The following PGM5 variants were observed in gnomAD, a reference collection of about 807,000 sequenced individuals.
The protein encoded by PGM5 is phosphoglucomutase-like protein 5.
A neutral mutation model predicts 59.2 loss-of-function variants in PGM5; 23 were observed. The ratio of observed to expected loss-of-function variants is 0.39; its 90% confidence interval spans 0.28 to 0.55. The LOEUF (loss-of-function observed/expected upper bound fraction) is 0.55, where lower values mean the gene tolerates loss of function less well. Ranked by LOEUF, PGM5 falls within the 20% of genes least tolerant of loss-of-function variation. The probability of loss-of-function intolerance (pLI) is 0.66; values close to 1 mark genes in which losing one functional copy is unlikely to be tolerated. For synonymous variants in PGM5, 214 were observed against 286.0 expected, an observed-to-expected ratio of 0.75 and a Z score of 2.54; for missense variants, 574 against 748.3, an observed-to-expected ratio of 0.77 and a Z score of 2.72.
At chr9:68,519,167 A>C (rs980284829) in intron 10 of PGM5, among the ~76,000 whole-genome samples, 12 of 152,246 alleles carry the variant, frequency 7.9e-5, no homozygotes, top group Admixed American at 7.2e-4. Context: ...GTATCTACAC[A>C]AAAAGAAATT....
intron 3 of PGM5, among the ~76,000 whole-genome samples, chr9:68,386,094 A>G (rs1203740169): frequency 3.3e-5 from 5 of 151,648 alleles, no homozygotes; most frequent in African/African-American, 1.2e-4. Flanking sequence ...TGTGTTACCT[A>G]TTGTAAATAC....
At chr9:68,496,124 A>C (rs1363052643) in intron 9 of PGM5, among the ~76,000 whole-genome samples, 1 of 152,264 alleles carries the variant, frequency 6.6e-6, no homozygotes, top group Non-Finnish European at 1.5e-5. Context: ...AACCTAAAAA[A>C]TAAATGCGAT....
intron 1 of PGM5, among the ~76,000 whole-genome samples, chr9:68,377,147 G>A (rs1268323880): frequency 1.3e-5 from 2 of 151,950 alleles, no homozygotes; most frequent in South Asian, 2.1e-4. Context: ...GGCTGGTCTC[G>A]AACTCTGGAC....
At chr9:68,454,260 G>T (rs184516856) in intron 6 of PGM5, among the ~76,000 whole-genome samples, 1 of 152,286 alleles carries the variant, frequency 6.6e-6, no homozygotes, top group African/African-American at 2.4e-5. Context: ...CTGGATTTCA[G>T]TAATGAATCT....
At chr9:68,415,496 G>A (rs572529756) in intron 6 of PGM5, among the ~76,000 whole-genome samples, 67 of 145,968 alleles carry the variant, frequency 4.6e-4, no homozygotes, top group Admixed American at 2.4e-3. Flanking sequence ...CTGGAACATG[G>A]ACACAGAAAT....
chr9:68,458,644 A>AGATTT lies in PGM5; in HGVS notation c.1044-6449_1044-6448insGATTT, dbSNP rs1554685133. ...ACAGGCAAGGCAGGGGTTATTTAAT[A>AGATTT]TGTGGATTTTGAAGTTTAGACCAGG... is the stretch of plus-strand genomic sequence containing the variant. On this transcript the variant is annotated intron_variant, in intron 6 of 10. Transcript: ENST00000396396. Among the ~76,000 whole-genome samples the AGATTT allele has an allele frequency of 7.9e-4, 120 of 152,294 alleles. 1 individual carries two copies. The East Asian group carries it at 0.02, about 26-fold the overall frequency.
rs186732697 is a variant in PGM5, at chr9:68,450,809, A to T, written c.1044-14284A>T. On this transcript the variant is annotated intron_variant, in intron 6 of 10. Transcript: ENST00000396396. ...CTTAGTGCTGGGTTAGTGTGCTGGG[A>T]TTGCATGTGTCTGTATCTCATATTC... Among the ~76,000 whole-genome samples the T allele has an allele frequency of 4.3e-3, 656 of 152,304 alleles. 3 individuals are homozygous for T. Among genetic ancestry groups the T allele is most frequent in the African/African-American group, 0.014 (579 of 41,558 alleles).
chr9:68,471,314 T>C (rs1304549664), intron 7 of PGM5, among the ~76,000 whole-genome samples: 2 of 152,166 alleles, frequency 1.3e-5, no homozygotes, highest in African/African-American at 2.4e-5. Context: ...CAAGGAGAAC[T>C]GTCCCTTGGG....
chr9:68,490,418 CTCA>C (rs1824371546), intron 9 of PGM5, among the ~76,000 whole-genome samples: 1 of 152,228 alleles, frequency 6.6e-6, no homozygotes. Context: ...ATGATCTTGG[CTCA>C]CTGCAACACT....
intron 6 of PGM5, among the ~76,000 whole-genome samples, chr9:68,441,319 A>T (rs1168446218): frequency 1.3e-5 from 2 of 152,154 alleles, no homozygotes; most frequent in African/African-American, 4.8e-5. Context: ...CTAGACAAAG[A>T]TAGAATTTTT....
intron 1 of PGM5, among the ~76,000 whole-genome samples, chr9:68,362,748 G>A (rs567701821): frequency 8.6e-5 from 13 of 151,840 alleles, no homozygotes; most frequent in Non-Finnish European, 1.6e-4. Context: ...GTACACCTAA[G>A]GCAATTTCTT....
intron 1 of PGM5, among the ~76,000 whole-genome samples, chr9:68,358,568 A>T (rs1219742619): frequency 6.6e-6 from 1 of 152,240 alleles, no homozygotes; most frequent in Non-Finnish European, 1.5e-5. Context: ...TGTATAAATG[A>T]GTGTTAACAT....
At chr9:68,492,038 G>C (rs1824399566) in intron 9 of PGM5, among the ~76,000 whole-genome samples, 1 of 152,176 alleles carries the variant, frequency 6.6e-6, no homozygotes, top group African/African-American at 2.4e-5. Flanking sequence ...AAGCGTGTAA[G>C]CATTATCGAA....
chr9:68,430,477 A>G (rs1160530447), intron 6 of PGM5, among the ~76,000 whole-genome samples: 1 of 152,256 alleles, frequency 6.6e-6, no homozygotes, highest in East Asian at 1.9e-4. Flanking sequence ...AATAATTTCA[A>G]GTAAAATTAG....
intron 6 of PGM5, among the ~76,000 whole-genome samples, chr9:68,454,177 C>T (rs1240536573): frequency 6.6e-6 from 1 of 152,138 alleles, no homozygotes; most frequent in Non-Finnish European, 1.5e-5. Context: ...TATAGGATTT[C>T]CATAGGCTGG....
At chr9:68,426,437 C>T (rs1349507848) in intron 6 of PGM5, among the ~76,000 whole-genome samples, 2 of 152,112 alleles carry the variant, frequency 1.3e-5, no homozygotes, top group Non-Finnish European at 2.9e-5. Context: ...GTTTCAATCA[C>T]AGGACCCTAT....
At chr9:68,398,703 C>T (rs746896683) in intron 6 of PGM5, 1 of 152,190 alleles carries the variant, frequency 6.6e-6, no homozygotes, top group African/African-American at 2.4e-5. Flanking sequence ...GGGAAGAGAA[C>T]AGGGCATTTG....
chr9:68,461,666 G>A (rs1823861199), intron 6 of PGM5, among the ~76,000 whole-genome samples: 1 of 152,114 alleles, frequency 6.6e-6, no homozygotes, highest in African/African-American at 2.4e-5. Flanking sequence ...GCCATGTGCA[G>A]CAAGAAGGCC....
intron 1 of PGM5, among the ~76,000 whole-genome samples, chr9:68,376,306 T>C (rs1276136282): frequency 2.0e-5 from 3 of 152,156 alleles, no homozygotes; most frequent in African/African-American, 4.8e-5. Flanking sequence ...ATTGACATCC[T>C]TTATTCTCTA....
Sources: gnomAD v4.1 joint callset for allele counts (sites outside exome capture counted in the v4.1 genomes callset) on GRCh38, gnomAD v4.1.1 for gene constraint, MANE v1.5 for transcripts, NCBI Gene and HGNC (gene_info 2026-07-23, HGNC 2026-07-21) for gene names.